LRRC74A: variants seen among roughly 807,000 people sequenced by gnomAD.
LRRC74A encodes leucine rich repeat containing 74A.
A neutral mutation model predicts 57.9 loss-of-function variants in LRRC74A; 44 were observed. The ratio of observed to expected loss-of-function variants is 0.76; its 90% CI spans 0.60 to 0.98. The LOEUF (loss-of-function observed/expected upper bound fraction) is 0.98. LRRC74A is among the 50% of genes least tolerant of loss of function. The pLI, the probability that LRRC74A is intolerant of heterozygous loss-of-function variation, is 0.00. For synonymous variants in LRRC74A, 211 were observed against 219.4 expected, an observed-to-expected ratio of 0.96 and a Z score of 0.34; for missense variants, 572 against 574.0, an observed-to-expected ratio of 1.00 and a Z score of 0.04.
intron 5 of LRRC74A, among the ~76,000 whole-genome samples, chr14:76,842,628 C>T (rs1896850564): frequency 6.6e-6 from 1 of 151,936 alleles, no homozygotes; most frequent in Non-Finnish European, 1.5e-5. Flanking sequence ...CTAACAGACA[C>T]AGCCAAACAA....
At position 76,837,875 on chromosome 14, in the gene LRRC74A, A is replaced by G; in HGVS notation, c.448A>G (p.Asn150Asp). Residue 150 changes from asparagine to aspartate, a missense_variant and splice_region_variant, in exon 5 of 14, where the codon AAT (asparagine) becomes GAT (aspartate). Asn to Asp is a conservative substitution (Grantham distance 23, BLOSUM62 1). Transcript: ENST00000689127. ...LQENYYLQEMNISNNHLGLEG... is the reference protein window; with the variant it reads ...LQENYYLQEMDISNNHLGLEG... ...ACCGAAGTGTTTTCTTGCCTTTTAG[A>G]ATATTTCCAACAATCACCTTGGTTT... 6.3e-7 allele frequency: 1 copy of G among 1,575,434 alleles called. No individual in the cohort carries two copies. Among genetic ancestry groups the G allele is most frequent in the Non-Finnish European group, 8.6e-7 (1 of 1,156,632 alleles).
chr14:76,831,436 G>A, intron 3 of LRRC74A, 61 bp downstream of exon 3: 1 of 1,577,240 alleles, frequency 6.3e-7, no homozygotes, highest in Non-Finnish European at 8.7e-7. Context: ...CAGAGTGGTA[G>A]GCCCAAGATT....
At chr14:76,851,255 G>C (rs1414710546) in intron 7 of LRRC74A, among the ~76,000 whole-genome samples, 1 of 152,242 alleles carries the variant, frequency 6.6e-6, no homozygotes, top group Non-Finnish European at 1.5e-5. Context: ...TAATATGCCA[G>C]GTCCATCACA....
At chr14:76,834,472 T>G (rs994431833) in intron 3 of LRRC74A, among the ~76,000 whole-genome samples, 3 of 152,250 alleles carry the variant, frequency 2.0e-5, no homozygotes, top group African/African-American at 7.2e-5. Context: ...CTCTTTGTAC[T>G]GATTAACTTT....
At chr14:76,865,850 C>G (rs1595404256) in intron 11 of LRRC74A, 118 bp from the exon 12 acceptor site, 2 of 783,082 alleles carry the variant, frequency 2.6e-6, no homozygotes, top group East Asian at 5.5e-5. Flanking sequence ...GGCCTTCTGC[C>G]CTTTTTAGCC....
chr14:76,834,904 T>C (rs565085881), intron 3 of LRRC74A, among the ~76,000 whole-genome samples: 1 of 152,324 alleles, frequency 6.6e-6, no homozygotes, highest in East Asian at 1.9e-4. Flanking sequence ...CCAGAAGACA[T>C]TTCAGGAAGC....
chr14:76,828,676 C>A lies in LRRC74A; in HGVS notation c.166+257C>A, dbSNP rs1895760761. The stretch of plus-strand genomic sequence containing the variant: ...CACGTCGTCTTGTTAAAAGCGGAAT[C>A]AATACACAAACAAGGTTTTCTAATC... On this transcript the variant is annotated intron_variant, in intron 2 of 13. Coordinates refer to ENST00000689127, the MANE Select transcript of LRRC74A (RefSeq NM_001385106.1). 3 of 602,174 alleles carry A rather than the reference C, an allele frequency of 5.0e-6. No homozygotes were observed. The East Asian group carries it at 1.1e-4, about 22-fold the overall frequency. 37.3% of individuals were successfully genotyped at this position (602,174 alleles called of 1,614,324 possible).
intron 7 of LRRC74A, among the ~76,000 whole-genome samples, chr14:76,847,655 C>A (rs1228130057): frequency 1.3e-5 from 2 of 151,276 alleles, no homozygotes; most frequent in African/African-American, 4.9e-5. Context: ...ACCTATATAA[C>A]AAACCTGCAC....
chr14:76,858,286 C>T (rs559818468), intron 10 of LRRC74A, among the ~76,000 whole-genome samples: 1 of 152,244 alleles, frequency 6.6e-6, no homozygotes, highest in Non-Finnish European at 1.5e-5. Context: ...CCTGACCTCT[C>T]CCCTGGCTTC....
intron 5 of LRRC74A, among the ~76,000 whole-genome samples, chr14:76,843,434 A>G (rs1703707993): frequency 6.6e-6 from 1 of 152,038 alleles, no homozygotes; most frequent in Non-Finnish European, 1.5e-5. Flanking sequence ...TTTTGCACAC[A>G]TGGTAAGTGT....
At chr14:76,831,410 G>A in intron 3 of LRRC74A, 35 bp downstream of exon 3, 2 of 1,608,296 alleles carry the variant, frequency 1.2e-6, no homozygotes, top group Non-Finnish European at 1.7e-6. Context: ...GAAACCTGGA[G>A]GAGGTGGAGG....
intron 11 of LRRC74A, among the ~76,000 whole-genome samples, chr14:76,862,624 G>C (rs1167407156): frequency 6.6e-6 from 1 of 152,160 alleles, no homozygotes; most frequent in African/African-American, 2.4e-5. Flanking sequence ...GATCAACGTA[G>C]GATTCGGCAA....
At chr14:76,834,115 A>C (rs1444400217) in intron 3 of LRRC74A, among the ~76,000 whole-genome samples, 1 of 152,258 alleles carries the variant, frequency 6.6e-6, no homozygotes, top group African/African-American at 2.4e-5. Flanking sequence ...TCTTAAACAT[A>C]TAACAGCATT....
At chr14:76,862,924 G>A (rs997436243) in intron 11 of LRRC74A, among the ~76,000 whole-genome samples, 7 of 152,180 alleles carry the variant, frequency 4.6e-5, no homozygotes, top group African/African-American at 7.2e-5. Flanking sequence ...ACAGGGGGCC[G>A]GTGAGAGCTG....
At chr14:76,851,939 C>G (rs888526543) in intron 7 of LRRC74A, among the ~76,000 whole-genome samples, 1 of 152,170 alleles carries the variant, frequency 6.6e-6, no homozygotes, top group Non-Finnish European at 1.5e-5. Flanking sequence ...GCTGGGATTA[C>G]AGGTGTGAGC....
intron 3 of LRRC74A, among the ~76,000 whole-genome samples, chr14:76,834,265 G>C (rs1034920654): frequency 1.3e-5 from 2 of 152,244 alleles, no homozygotes; most frequent in African/African-American, 2.4e-5. Context: ...GATTAATGAA[G>C]TGTTAGGAAC....
intron 7 of LRRC74A, among the ~76,000 whole-genome samples, chr14:76,845,864 C>T (rs1463221388): frequency 6.6e-6 from 1 of 152,070 alleles, no homozygotes; most frequent in South Asian, 2.1e-4. Flanking sequence ...ACTAAAAATA[C>T]AAAATTAGCT....
In LRRC74A at chr14:76,841,261, C is replaced by T. The variant is rs552355799; in HGVS notation, c.545-3162C>T. On this transcript the variant is annotated intron_variant, in intron 5 of 13. Transcript: ENST00000689127. ...TTTGCCATGTTGGCCAGGCTGGTCTCGAACTCCTGACCTCAAGTGATCCAA... is the reference window on the plus strand; with the variant it reads ...TTTGCCATGTTGGCCAGGCTGGTCTTGAACTCCTGACCTCAAGTGATCCAA... 2.0e-5 allele frequency among the ~76,000 whole-genome samples: 3 copies of T among 152,088 alleles called. No individual in the cohort carries two copies. The South Asian group carries it at 6.2e-4, about 32-fold the overall frequency.
intron 9 of LRRC74A, among the ~76,000 whole-genome samples, chr14:76,854,452 A>T (rs981847972): frequency 1.3e-5 from 2 of 152,184 alleles, no homozygotes; most frequent in Admixed American, 1.3e-4. Context: ...TACTAAAAAT[A>T]CAAAATTAGC....
Sources: gnomAD v4.1 joint callset for allele counts (sites outside exome capture counted in the v4.1 genomes callset) on GRCh38, gnomAD v4.1.1 for gene constraint, MANE v1.5 for transcripts, NCBI Gene and HGNC (gene_info 2026-07-23, HGNC 2026-07-21) for gene names.